Variants in SPAG16 observed in about 807,000 individuals in gnomAD.
SPAG16 encodes the protein sperm associated antigen 16, also known as sperm-associated antigen 16 protein.
SPAG16 carries 86 observed loss-of-function variants against 80.4 expected under a neutral mutation model. The observed-to-expected ratio is 1.07, with a 90% confidence interval of 0.90 to 1.28. The LOEUF is 1.28. Among genes scored for constraint, SPAG16 ranks in the 50% most tolerant of loss-of-function variants. The pLI, the probability that SPAG16 is intolerant of heterozygous loss-of-function variation, is 0.00. For missense variants in SPAG16, 870 were observed against 765.3 expected (o/e 1.14, Z -1.61); for synonymous variants, 294 against 265.9 (o/e 1.11, Z -1.03).
chr2:213,475,005 T>C (rs1393905), intron 9 of SPAG16, among the ~76,000 whole-genome samples: 3,533 of 152,292 alleles, frequency 0.023, 57 homozygotes, highest in South Asian at 0.038. Context: ...CCTCCAATGG[T>C]ACTGCTGTTT....
intron 14 of SPAG16, among the ~76,000 whole-genome samples, chr2:214,127,160 C>A (rs769720242): frequency 1.2e-4 from 18 of 151,734 alleles, no homozygotes; most frequent in Non-Finnish European, 2.2e-4. Context: ...AATTGTCAAT[C>A]CCTGCCCTCT....
At chr2:213,438,311 A>G (rs1414738338) in intron 9 of SPAG16, among the ~76,000 whole-genome samples, 2 of 152,232 alleles carry the variant, frequency 1.3e-5, no homozygotes, top group Non-Finnish European at 2.9e-5. Flanking sequence ...TGAAATAGAC[A>G]ACAATGGCCA....
At chr2:213,697,190 C>T (rs1016963998) in intron 10 of SPAG16, among the ~76,000 whole-genome samples, 6 of 152,080 alleles carry the variant, frequency 3.9e-5, no homozygotes, top group African/African-American at 1.4e-4. Flanking sequence ...ATCTATTTAA[C>T]AAGGTCATCA....
chr2:214,095,429 T>G (rs1043196722), intron 13 of SPAG16, among the ~76,000 whole-genome samples: 1 of 152,074 alleles, frequency 6.6e-6, no homozygotes, highest in African/African-American at 2.4e-5. Context: ...CACTTTGGAG[T>G]GTGGACTCTG....
At chr2:213,745,218 C>T (rs1337824546) in intron 10 of SPAG16, among the ~76,000 whole-genome samples, 1 of 152,088 alleles carries the variant, frequency 6.6e-6, no homozygotes, top group African/African-American at 2.4e-5. Context: ...ATTTCTGATA[C>T]ATTCATATTT....
intron 15 of SPAG16, among the ~76,000 whole-genome samples, chr2:214,344,530 A>G (rs973309754): frequency 6.6e-6 from 1 of 152,206 alleles, no homozygotes; most frequent in Non-Finnish European, 1.5e-5. Flanking sequence ...AGCAAGGTCA[A>G]TATTTTGAAA....
At chr2:213,803,404 TAC>T (rs970812093) in intron 10 of SPAG16, among the ~76,000 whole-genome samples, 6 of 152,088 alleles carry the variant, frequency 3.9e-5, no homozygotes, top group Non-Finnish European at 8.8e-5. Flanking sequence ...AGGGGGAAAA[TAC>T]AGAGGTGAGA....
At chr2:214,221,429 C>A (rs1469172484) in intron 15 of SPAG16, among the ~76,000 whole-genome samples, 1 of 151,972 alleles carries the variant, frequency 6.6e-6, no homozygotes, top group Non-Finnish European at 1.5e-5. Context: ...TTTTCTTACT[C>A]AAGATAAAGA....
chr2:214,281,058 A>G (rs941540094), intron 15 of SPAG16: 2 of 388,814 alleles, frequency 5.1e-6, no homozygotes, highest in African/African-American at 4.2e-5. Context: ...TATTGCCAGT[A>G]GTAGTTCTGG....
intron 15 of SPAG16, among the ~76,000 whole-genome samples, chr2:214,299,811 C>A (rs1694422885): frequency 6.6e-6 from 1 of 152,022 alleles, no homozygotes; most frequent in Non-Finnish European, 1.5e-5. Flanking sequence ...CCTGTAGATA[C>A]CTGTATGAAT....
intron 10 of SPAG16, among the ~76,000 whole-genome samples, chr2:213,535,062 T>G (rs1215945454): frequency 6.6e-6 from 1 of 152,124 alleles, no homozygotes; most frequent in Non-Finnish European, 1.5e-5. Flanking sequence ...AATTTCTACT[T>G]TCCAGATTGT....
intron 13 of SPAG16, among the ~76,000 whole-genome samples, chr2:214,023,972 C>T (rs370680342): frequency 6.6e-6 from 1 of 151,430 alleles, no homozygotes; most frequent in Admixed American, 6.6e-5. Flanking sequence ...TATTTTAATT[C>T]TGTAAGAGGT....
At chr2:213,412,989 T>C (rs1439972885) in intron 9 of SPAG16, among the ~76,000 whole-genome samples, 1 of 152,204 alleles carries the variant, frequency 6.6e-6, no homozygotes, top group African/African-American at 2.4e-5. Flanking sequence ...ATCTACATAC[T>C]ATGTATAATG....
intron 10 of SPAG16, among the ~76,000 whole-genome samples, chr2:213,656,594 T>A (rs961696301): frequency 6.6e-6 from 1 of 152,220 alleles, no homozygotes; most frequent in Non-Finnish European, 1.5e-5. Context: ...TTATGTCATG[T>A]TCATTTTGTT....
intron 14 of SPAG16, among the ~76,000 whole-genome samples, chr2:214,145,919 G>T (rs902001396): frequency 1.3e-5 from 2 of 152,096 alleles, no homozygotes; most frequent in Non-Finnish European, 2.9e-5. Context: ...ACTGGATGCT[G>T]GAGATGCAGT....
At chr2:214,043,180 G>A (rs1419128049) in intron 13 of SPAG16, among the ~76,000 whole-genome samples, 4 of 151,276 alleles carry the variant, frequency 2.6e-5, no homozygotes, top group African/African-American at 9.7e-5. Context: ...ATCACCTCAT[G>A]CAGTGGGAAT....
At chr2:214,205,813 G>C (rs1002756242) in intron 15 of SPAG16, among the ~76,000 whole-genome samples, 1 of 152,058 alleles carries the variant, frequency 6.6e-6, no homozygotes, top group African/African-American at 2.4e-5. Context: ...CAGAGTAATT[G>C]CAGTATCCAT....
At chr2:213,511,236 A>T (rs528984688) in intron 10 of SPAG16, among the ~76,000 whole-genome samples, 1 of 152,276 alleles carries the variant, frequency 6.6e-6, no homozygotes, top group East Asian at 1.9e-4. Flanking sequence ...GCTTTTTATG[A>T]CAACTAAGCA....
intron 11 of SPAG16, among the ~76,000 whole-genome samples, chr2:213,898,564 A>C (rs2077086941): frequency 6.6e-6 from 1 of 152,240 alleles, no homozygotes; most frequent in Admixed American, 6.5e-5. Flanking sequence ...TGGTTCTCCC[A>C]GAAAGACCAA....
Sources: allele counts gnomAD v4.1 joint callset (sites outside exome capture counted in the v4.1 genomes callset), GRCh38; gene constraint gnomAD v4.1.1; transcripts MANE v1.5; gene names NCBI Gene and HGNC (gene_info 2026-07-23, HGNC 2026-07-21).